The following RARB variants were observed in gnomAD, a reference collection of about 807,000 sequenced individuals.
RARB encodes the protein HBV-activated protein.
RARB carries 17 observed loss-of-function variants against 51.9 expected under a neutral mutation model. The ratio of observed to expected loss-of-function variants is 0.33; its 90% CI spans 0.22 to 0.49. The LOEUF is 0.49. Ranked by LOEUF, RARB falls within the 20% of genes least tolerant of loss-of-function variation. RARB has a pLI of 0.99. For missense variants in RARB, 369 were observed against 550.8 expected, an observed-to-expected ratio of 0.67 and a Z score of 3.30; for synonymous variants, 215 against 195.4, an observed-to-expected ratio of 1.10 and a Z score of -0.84.
chr3:24,874,153 A>G (rs76766642), intron 2 of RARB, among the ~76,000 whole-genome samples: 1,737 of 152,140 alleles, frequency 0.011, 30 homozygotes, highest in African/African-American at 0.035. Flanking sequence ...GGGTCCTGGA[A>G]CCAATACCCC....
At chr3:25,485,229 A>G (rs1696405402) in intron 2 of RARB, among the ~76,000 whole-genome samples, 1 of 152,238 alleles carries the variant, frequency 6.6e-6, no homozygotes, top group Non-Finnish European at 1.5e-5. Flanking sequence ...ACTCGTTTGG[A>G]AAAATGTCAT....
intron 5 of RARB, among the ~76,000 whole-genome samples, chr3:25,358,605 T>C (rs1424221203): frequency 6.6e-6 from 1 of 152,234 alleles, no homozygotes; most frequent in East Asian, 1.9e-4. Context: ...AGTATGATAT[T>C]GGCTGTGCGT....
At chr3:25,085,912 G>A (rs534493393) in intron 3 of RARB, among the ~76,000 whole-genome samples, 3 of 152,212 alleles carry the variant, frequency 2.0e-5, no homozygotes, top group Non-Finnish European at 4.4e-5. Flanking sequence ...GTTTAAATGT[G>A]AAGGAAGCTT....
At chr3:25,290,529 G>A (rs910886709) in intron 5 of RARB, among the ~76,000 whole-genome samples, 1 of 152,170 alleles carries the variant, frequency 6.6e-6, no homozygotes, top group Non-Finnish European at 1.5e-5. Context: ...GAGGGACACA[G>A]GAAACACGCC....
chr3:25,034,937 T>C (rs1051434350), intron 2 of RARB, among the ~76,000 whole-genome samples: 1 of 152,210 alleles, frequency 6.6e-6, no homozygotes, highest in Non-Finnish European at 1.5e-5. Flanking sequence ...CTCTTCTGAT[T>C]GCCACTGTCT....
In RARB at chr3:25,374,095, A is replaced by C. The variant is rs144887608; in HGVS notation, c.179-87098A>C. 2.3e-3 allele frequency among the ~76,000 whole-genome samples: 354 copies of C among 152,252 alleles called. 3 individuals are homozygous for C. The highest frequency in any genetic ancestry group is 7.9e-3 in the African/African-American group (327 of 41,542). On this transcript the variant is annotated intron_variant, in intron 5 of 11. Transcript: ENST00000383772. ...AATCCTACTTAACCTCCAGAGGCCC[A>C]AGAGTCATGAGCAGGGTGAATGGTG...
At chr3:25,218,975 C>T (rs1701889846) in intron 5 of RARB, among the ~76,000 whole-genome samples, 1 of 152,170 alleles carries the variant, frequency 6.6e-6, no homozygotes. Context: ...TTGGCCTTTG[C>T]ACCTGGATTT....
chr3:24,866,882 T>G (rs1388630515), intron 2 of RARB, among the ~76,000 whole-genome samples: 1 of 152,050 alleles, frequency 6.6e-6, no homozygotes, highest in East Asian at 1.9e-4. Context: ...AAGGATAGTT[T>G]GGCGGGAGAA....
intron 2 of RARB, among the ~76,000 whole-genome samples, chr3:25,496,462 C>A (rs377362901): frequency 1.3e-5 from 2 of 152,264 alleles, no homozygotes; most frequent in East Asian, 3.9e-4. Flanking sequence ...ACCTATCCTA[C>A]TCCCCTGTCA....
chr3:25,218,632 G>T (rs1701884272), intron 5 of RARB, among the ~76,000 whole-genome samples: 1 of 152,160 alleles, frequency 6.6e-6, no homozygotes, highest in Admixed American at 6.5e-5. Context: ...TTCTTCAACT[G>T]CAAGAGAAGC....
intron 5 of RARB, among the ~76,000 whole-genome samples, chr3:25,236,963 T>TA: frequency 6.6e-6 from 1 of 151,534 alleles, no homozygotes; most frequent in Admixed American, 6.6e-5. Context: ...CTTATCCTGT[T>TA]TCTTTACCTA....
chr3:25,107,026 G>A (rs34850898), intron 3 of RARB, among the ~76,000 whole-genome samples: 91,947 of 151,774 alleles, frequency 0.61, 28,259 homozygotes, highest in East Asian at 0.83. Context: ...TCAGCCTCCC[G>A]AATAGCTGGG....
chr3:25,146,897 C>G (rs1700202846), intron 4 of RARB, among the ~76,000 whole-genome samples: 2 of 152,152 alleles, frequency 1.3e-5, no homozygotes, highest in African/African-American at 4.8e-5. Flanking sequence ...GGCTTCCATA[C>G]CAGAGACCCT....
intron 5 of RARB, among the ~76,000 whole-genome samples, chr3:25,332,106 G>T (rs1011347148): frequency 2.0e-5 from 3 of 152,114 alleles, no homozygotes; most frequent in African/African-American, 7.2e-5. Context: ...ACAAAGACGA[G>T]CTGGTACCAT....
rs372148180 is a variant in RARB at position 25,569,797 on chromosome 3, C to T, written c.488C>T (p.Ser163Leu). ...NDRNKKKKET[S>L]KQECTESYEM... Reference sequence around the variant, plus strand: ...AGGAACAAGAAAAAGAAGGAGACTTCGAAGCAAGAATGCACAGAGAGCTAT... The same window carrying T: ...AGGAACAAGAAAAAGAAGGAGACTTTGAAGCAAGAATGCACAGAGAGCTAT... Residue 163 changes from serine (S) to leucine (L), a missense_variant, in exon 4 of 8, where the codon TCG (serine) becomes TTG (leucine). Physicochemically the swap from Ser to Leu is moderately radical, Grantham distance 145 (BLOSUM62 -2). This residue lies in a region of RARB where 46 missense variants were observed against 43.2 expected (regional missense o/e 1.07). Coordinates refer to ENST00000330688, the MANE Select transcript of RARB (RefSeq NM_000965.5). 16 of 1,613,994 alleles carry T rather than the reference C, an allele frequency of 9.9e-6. No homozygotes were observed. The African/African-American group carries it at 1.2e-4, about 12-fold the overall frequency.
intron 5 of RARB, among the ~76,000 whole-genome samples, chr3:25,250,819 CT>C (rs1199657779): frequency 6.6e-6 from 1 of 152,140 alleles, no homozygotes; most frequent in Non-Finnish European, 1.5e-5. Context: ...AGGCAGCTCC[CT>C]GTGTTAGTCT....
At chr3:25,101,025 T>TA (rs1341723489) in intron 3 of RARB, among the ~76,000 whole-genome samples, 1 of 152,156 alleles carries the variant, frequency 6.6e-6, no homozygotes, top group Admixed American at 6.5e-5. Flanking sequence ...AGGTAACATT[T>TA]AAGGGGTAGT....
intron 3 of RARB, among the ~76,000 whole-genome samples, chr3:25,548,352 C>T (rs752415434): frequency 1.3e-5 from 2 of 152,116 alleles, no homozygotes; most frequent in Non-Finnish European, 2.9e-5. Flanking sequence ...GCACATTTCT[C>T]ACTTCTCTAA....
chr3:25,008,733 A>G (rs1322644235), intron 2 of RARB, among the ~76,000 whole-genome samples: 1 of 152,034 alleles, frequency 6.6e-6, no homozygotes, highest in African/African-American at 2.4e-5. Flanking sequence ...CATTCCCAGA[A>G]ACCTTCCCTA....
Sources: gnomAD v4.1 joint callset for allele counts (sites outside exome capture counted in the v4.1 genomes callset) on GRCh38, gnomAD v4.1.1 for gene constraint, gnomAD v4.1.1 regional missense constraint, MANE v1.5 for transcripts, NCBI Gene and HGNC (gene_info 2026-07-23, HGNC 2026-07-21) for gene names.